The following ROBO2 variants were observed in gnomAD, a reference collection of about 807,000 sequenced individuals.
The protein encoded by ROBO2 is roundabout homolog 2.
In ROBO2, 53 loss-of-function variants were observed where a neutral mutation model predicts 160.8. That is an observed-to-expected ratio of 0.33 (90% CI 0.26 to 0.41). The LOEUF (loss-of-function observed/expected upper bound fraction) is 0.41, where lower values mean the gene tolerates loss of function less well. ROBO2 is among the 10% of genes least tolerant of loss of function. The pLI, the probability that ROBO2 is intolerant of heterozygous loss-of-function variation, is 1.00. For synonymous variants in ROBO2, 664 were observed against 611.7 expected, an observed-to-expected ratio of 1.09 and a Z score of -1.26; for missense variants, 1,577 against 1,722.4, an observed-to-expected ratio of 0.92 and a Z score of 1.49.
rs115410622 is a variant in ROBO2 at position 76,023,641 on chromosome 3, C to T, written c.109+86039C>T. On this transcript the variant is annotated intron_variant, in intron 2 of 26. Coordinates refer to the ROBO2 transcript ENST00000487694. ...AATAGTGACATAAAAGATCGTTGATCACAGATAACTATAACTATATATATA... is the reference window on the plus strand; with the variant it reads ...AATAGTGACATAAAAGATCGTTGATTACAGATAACTATAACTATATATATA... 7.5e-3 allele frequency among the ~76,000 whole-genome samples: 1,142 copies of T among 151,458 alleles called. 19 individuals carry two copies. Among genetic ancestry groups the T allele is most frequent in the African/African-American group, 0.026 (1,069 of 41,414 alleles).
intron 2 of ROBO2, among the ~76,000 whole-genome samples, chr3:76,679,436 G>A (rs1182583040): frequency 2.0e-5 from 3 of 151,894 alleles, no homozygotes; most frequent in Admixed American, 6.6e-5. Flanking sequence ...TACTAAAATT[G>A]TAAGCTGCAG....
intron 5 of ROBO2, among the ~76,000 whole-genome samples, chr3:77,499,009 G>T (rs2087171602): frequency 6.6e-6 from 1 of 152,162 alleles, no homozygotes; most frequent in Non-Finnish European, 1.5e-5. Context: ...AAGTGTAAAT[G>T]AAAAATCTTT....
At chr3:76,453,967 T>A (rs1389962827) in intron 2 of ROBO2, among the ~76,000 whole-genome samples, 1 of 152,118 alleles carries the variant, frequency 6.6e-6, no homozygotes, top group Admixed American at 6.6e-5. Context: ...AGTGCATGAG[T>A]ACCTGTCTAT....
chr3:76,004,054 T>C (rs576568952), intron 2 of ROBO2, among the ~76,000 whole-genome samples: 1 of 152,322 alleles, frequency 6.6e-6, no homozygotes, highest in East Asian at 1.9e-4. Flanking sequence ...TCCTGGATGT[T>C]TACCCAAGAG....
intron 2 of ROBO2, among the ~76,000 whole-genome samples, chr3:76,132,849 G>A (rs2071279818): frequency 6.6e-6 from 1 of 152,090 alleles, no homozygotes; most frequent in Non-Finnish European, 1.5e-5. Flanking sequence ...CAGTAGCAAA[G>A]TCACACACAG....
At chr3:77,573,548 T>C (rs1339620652) in intron 13 of ROBO2, among the ~76,000 whole-genome samples, 6 of 152,078 alleles carry the variant, frequency 3.9e-5, no homozygotes, top group African/African-American at 1.4e-4. Context: ...CAGAAGTTGG[T>C]AAATTAGTAA....
chr3:76,565,237 A>G (rs2084439662), intron 2 of ROBO2, among the ~76,000 whole-genome samples: 1 of 152,220 alleles, frequency 6.6e-6, no homozygotes. Flanking sequence ...AGTGATTTCT[A>G]ATCTATTAAT....
intron 2 of ROBO2, among the ~76,000 whole-genome samples, chr3:76,526,157 G>A (rs73119835): frequency 0.015 from 2,220 of 152,120 alleles, 24 homozygotes; most frequent in Non-Finnish European, 0.02. Context: ...TTTTACAGAT[G>A]AGAAAACTGA....
intron 2 of ROBO2, among the ~76,000 whole-genome samples, chr3:76,726,550 T>C (rs964456463): frequency 6.6e-6 from 1 of 152,180 alleles, no homozygotes; most frequent in Non-Finnish European, 1.5e-5. Flanking sequence ...CTTTTTTTCA[T>C]GTCGAGTGAG....
intron 2 of ROBO2, among the ~76,000 whole-genome samples, chr3:76,659,754 G>T (rs1035702127): frequency 6.6e-6 from 1 of 152,146 alleles, no homozygotes; most frequent in Non-Finnish European, 1.5e-5. Context: ...CATTAGGGAG[G>T]CAAAGTAAAT....
At chr3:76,194,119 G>T (rs1436244829) in intron 2 of ROBO2, among the ~76,000 whole-genome samples, 4 of 151,586 alleles carry the variant, frequency 2.6e-5, no homozygotes, top group African/African-American at 9.7e-5. Flanking sequence ...ATTGAATCTA[G>T]TAATGCAAGT....
At chr3:75,994,000 G>A (rs1189236697) in intron 2 of ROBO2, among the ~76,000 whole-genome samples, 1 of 152,118 alleles carries the variant, frequency 6.6e-6, no homozygotes, top group African/African-American at 2.4e-5. Flanking sequence ...AAAGCACAGG[G>A]CCAGCTGTGG....
intron 2 of ROBO2, among the ~76,000 whole-genome samples, chr3:76,673,372 G>C (rs184822420): frequency 1.3e-5 from 2 of 152,120 alleles, no homozygotes; most frequent in Non-Finnish European, 2.9e-5. Context: ...CCAGGCAGTG[G>C]TGGGTTGGGT....
intron 2 of ROBO2, among the ~76,000 whole-genome samples, chr3:76,657,700 T>A (rs547901885): frequency 1.4e-4 from 20 of 142,616 alleles, no homozygotes; most frequent in Admixed American, 4.9e-4. Context: ...GTATATATAT[T>A]CATATATGTG....
At chr3:77,569,487 T>C (rs543057467) in intron 13 of ROBO2, among the ~76,000 whole-genome samples, 23 of 152,164 alleles carry the variant, frequency 1.5e-4, no homozygotes, top group Admixed American at 8.5e-4. Context: ...CTATTCAAAC[T>C]CTTGGTCCAT....
intron 2 of ROBO2, among the ~76,000 whole-genome samples, chr3:77,452,916 G>A (rs2081266038): frequency 6.6e-6 from 1 of 152,058 alleles, no homozygotes; most frequent in African/African-American, 2.4e-5. Flanking sequence ...CACTTTTCCT[G>A]TTGATCCTTA....
At chr3:76,012,129 A>G (rs766113771) in intron 2 of ROBO2, among the ~76,000 whole-genome samples, 2 of 152,204 alleles carry the variant, frequency 1.3e-5, no homozygotes, top group Non-Finnish European at 2.9e-5. Context: ...TAGGAAACCA[A>G]TCTTTTGGGA....
chr3:76,997,417 G>T (rs1273200660), intron 2 of ROBO2, among the ~76,000 whole-genome samples: 1 of 152,026 alleles, frequency 6.6e-6, no homozygotes, highest in East Asian at 1.9e-4. Flanking sequence ...TCAGTTGTGG[G>T]GTCTAATGTT....
At chr3:77,498,386 A>C (rs1037234979) in intron 5 of ROBO2, among the ~76,000 whole-genome samples, 13 of 152,204 alleles carry the variant, frequency 8.5e-5, no homozygotes, top group African/African-American at 3.1e-4. Flanking sequence ...GATATAATTA[A>C]TGAATATTTC....
Sources: gnomAD v4.1 joint callset for allele counts (sites outside exome capture counted in the v4.1 genomes callset) on GRCh38, gnomAD v4.1.1 for gene constraint, MANE v1.5 for transcripts, NCBI Gene and HGNC (gene_info 2026-07-23, HGNC 2026-07-21) for gene names.